The following CCDC192 variants were observed in gnomAD, a reference collection of about 807,000 sequenced individuals.
CCDC192 encodes coiled-coil domain-containing protein 192.
chr5:127,739,018 G>GTT (rs1449410073), intron 2 of CCDC192, among the ~76,000 whole-genome samples: 1 of 152,056 alleles, frequency 6.6e-6, no homozygotes, highest in Non-Finnish European at 1.5e-5. Flanking sequence ...GCTTTTTAGA[G>GTT]TTTCCAGTTT....
intron 5 of CCDC192, among the ~76,000 whole-genome samples, chr5:127,820,225 G>A (rs921824160): frequency 6.6e-6 from 1 of 152,130 alleles, no homozygotes; most frequent in Non-Finnish European, 1.5e-5. Context: ...CCTTTGCTCT[G>A]CAACCACAAA....
chr5:127,775,491 T>C (rs1246513799), intron 3 of CCDC192, among the ~76,000 whole-genome samples: 2 of 152,224 alleles, frequency 1.3e-5, no homozygotes, highest in South Asian at 4.1e-4. Context: ...CTTTTCTGTG[T>C]GCCCCCTGTG....
intron 6 of CCDC192, among the ~76,000 whole-genome samples, chr5:127,886,079 A>G (rs1308419073): frequency 6.6e-6 from 1 of 152,186 alleles, no homozygotes; most frequent in Non-Finnish European, 1.5e-5. Context: ...GCAAGACTGA[A>G]AATGTTACTG....
At chr5:127,708,683 T>G (rs1006471537) in intron 2 of CCDC192, among the ~76,000 whole-genome samples, 2 of 152,182 alleles carry the variant, frequency 1.3e-5, no homozygotes, top group African/African-American at 4.8e-5. Flanking sequence ...ATCTGTAGAA[T>G]AAAGATAATG....
intron 6 of CCDC192, among the ~76,000 whole-genome samples, chr5:127,903,024 C>A (rs867648761): frequency 6.6e-6 from 1 of 152,126 alleles, no homozygotes; most frequent in East Asian, 1.9e-4. Context: ...GTTCCAGATG[C>A]TTGGAGAGGA....
intron 6 of CCDC192, among the ~76,000 whole-genome samples, chr5:127,888,171 G>T (rs1015036367): frequency 4.6e-5 from 7 of 151,780 alleles, no homozygotes; most frequent in Non-Finnish European, 1.0e-4. Flanking sequence ...ATCCCAGCAC[G>T]TTGGGAGGCC....
chr5:127,832,575 A>G (rs987859485), intron 5 of CCDC192, among the ~76,000 whole-genome samples: 7 of 152,234 alleles, frequency 4.6e-5, no homozygotes, highest in African/African-American at 1.7e-4. Flanking sequence ...CACAGAAAAA[A>G]TTACAAAATT....
At chr5:127,936,720 A>G (rs1754196559) in intron 6 of CCDC192, among the ~76,000 whole-genome samples, 2 of 152,202 alleles carry the variant, frequency 1.3e-5, no homozygotes, top group Admixed American at 1.3e-4. Flanking sequence ...TTCTTGTTGC[A>G]ATCTCTGGGT....
chr5:127,807,298 C>T (rs1340377211), intron 5 of CCDC192, among the ~76,000 whole-genome samples: 1 of 152,118 alleles, frequency 6.6e-6, no homozygotes, highest in Non-Finnish European at 1.5e-5. Context: ...ATTTTATAGA[C>T]AATACTAGGA....
At chr5:127,758,446 G>A (rs1303282384) in intron 3 of CCDC192, among the ~76,000 whole-genome samples, 1 of 152,122 alleles carries the variant, frequency 6.6e-6, no homozygotes, top group Non-Finnish European at 1.5e-5. Flanking sequence ...AGAAATAATG[G>A]GATCAGGATA....
intron 5 of CCDC192, among the ~76,000 whole-genome samples, chr5:127,872,965 G>A (rs1751924027): frequency 6.6e-6 from 1 of 152,148 alleles, no homozygotes; most frequent in Non-Finnish European, 1.5e-5. Context: ...TCTGGTAATT[G>A]AATATTTTTT....
At chr5:127,880,485 G>A (rs1752305685) in intron 6 of CCDC192, among the ~76,000 whole-genome samples, 1 of 148,822 alleles carries the variant, frequency 6.7e-6, no homozygotes, top group Non-Finnish European at 1.5e-5. Context: ...ATAGCACTGG[G>A]AGATATACCT....
chr5:127,767,963 G>A (rs1034310978), intron 3 of CCDC192, among the ~76,000 whole-genome samples: 2 of 152,116 alleles, frequency 1.3e-5, no homozygotes, highest in African/African-American at 4.8e-5. Context: ...AAGTAGTAAA[G>A]ATAAGGTCGG....
intron 6 of CCDC192, among the ~76,000 whole-genome samples, chr5:127,918,966 T>G (rs550590796): frequency 6.8e-6 from 1 of 147,210 alleles, no homozygotes; most frequent in South Asian, 2.2e-4. Context: ...TGTGTGTGTC[T>G]GTGTGTATAT....
At chr5:127,906,388 G>A (rs190092309) in intron 6 of CCDC192, among the ~76,000 whole-genome samples, 16 of 152,310 alleles carry the variant, frequency 1.1e-4, no homozygotes, top group Admixed American at 5.9e-4. Flanking sequence ...TCCATTGTAT[G>A]TATATAACAC....
At chr5:127,899,124 C>A (rs1365945657) in intron 6 of CCDC192, among the ~76,000 whole-genome samples, 3 of 152,076 alleles carry the variant, frequency 2.0e-5, no homozygotes, top group Admixed American at 6.5e-5. Context: ...AACTCCAGAG[C>A]AAAAGTTAGG....
intron 2 of CCDC192, among the ~76,000 whole-genome samples, chr5:127,733,572 AT>A (rs1752767138): frequency 6.6e-6 from 1 of 152,200 alleles, no homozygotes; most frequent in African/African-American, 2.4e-5. Flanking sequence ...AGGGGAAAGA[AT>A]TATTGGAAAA....
upstream of CCDC192, chr5:127,703,375 T>G (rs1004184193): frequency 2.5e-6 from 1 of 398,842 alleles, no homozygotes; most frequent in Non-Finnish European, 4.4e-6. Flanking sequence ...GCAGGGATTC[T>G]AAAACTCTAA....
chr5:127,723,598 G>A (rs1260576985), intron 2 of CCDC192, among the ~76,000 whole-genome samples: 2 of 152,166 alleles, frequency 1.3e-5, no homozygotes, highest in Non-Finnish European at 2.9e-5. Flanking sequence ...TTTCAAAACT[G>A]TTTAAAATTT....
Sources: allele counts gnomAD v4.1 joint callset (sites outside exome capture counted in the v4.1 genomes callset), GRCh38; gene constraint gnomAD v4.1.1; transcripts MANE v1.5; gene names NCBI Gene and HGNC (gene_info 2026-07-23, HGNC 2026-07-21).